ITIH6: variants seen among roughly 807,000 people sequenced by gnomAD.
ITIH6 encodes inter-alpha-trypsin inhibitor heavy chain family member 6.
In ITIH6, 60 loss-of-function variants were observed where a neutral mutation model predicts 58.2. The observed-to-expected ratio is 1.03, with a 90% CI of 0.84 to 1.28. The LOEUF (loss-of-function observed/expected upper bound fraction) is 1.28, where lower values mean the gene tolerates loss of function less well. Among genes scored for constraint, ITIH6 ranks in the 50% most tolerant of loss-of-function variants. ITIH6 has a pLI of 0.00. For synonymous variants in ITIH6, 493 were observed against 417.4 expected (o/e 1.18, Z -2.21); for missense variants, 1,290 against 1,021.1 (o/e 1.26, Z -3.59).
intron 5 of ITIH6, among the ~76,000 whole-genome samples, chrX:54,786,902 G>A (rs1000070996): frequency 9.0e-6 from 1 of 111,584 alleles, no homozygotes; most frequent in Non-Finnish European, 1.9e-5. Flanking sequence ...CCCCAGCGGG[G>A]TGGATGATCT....
chrX:54,795,130 C>T (rs1929417886), intron 2 of ITIH6, among the ~76,000 whole-genome samples: 1 of 111,651 alleles, frequency 9.0e-6, no homozygotes, highest in Non-Finnish European at 1.9e-5. Context: ...CCTAGCCGGC[C>T]CCTCCAGTCT....
intron 6 of ITIH6, among the ~76,000 whole-genome samples, chrX:54,765,418 A>G (rs1602055446): frequency 1.1e-5 from 1 of 91,360 alleles, no homozygotes; most frequent in East Asian, 3.5e-4. Flanking sequence ...TCTTTAATCC[A>G]TCTTGAATTG....
chrX:54,797,907 T>C (rs1349777150), intron 1 of ITIH6, among the ~76,000 whole-genome samples: 1 of 111,349 alleles, frequency 9.0e-6, no homozygotes, highest in East Asian at 2.8e-4. Flanking sequence ...ACAGAGATGC[T>C]GTGAGGACTA....
At chrX:54,755,285 C>A (rs1160871691) in intron 8 of ITIH6, among the ~76,000 whole-genome samples, 176 bp from the exon 9 acceptor site, 1 of 112,610 alleles carries the variant, frequency 8.9e-6, no homozygotes, top group Admixed American at 9.4e-5. Flanking sequence ...GTTCAAAGTT[C>A]TTCCTTATAG....
chrX:54,797,185 A>G (rs1046434059), intron 1 of ITIH6, 89 bp from the exon 2 acceptor site: 15 of 777,004 alleles, frequency 1.9e-5, no homozygotes, highest in Non-Finnish European at 2.6e-5. Context: ...ATTCCTACAC[A>G]GGCCTCAAAG....
chrX:54,770,061 G>T (rs1238641085), intron 6 of ITIH6, among the ~76,000 whole-genome samples: 2 of 112,400 alleles, frequency 1.8e-5, no homozygotes, highest in African/African-American at 6.5e-5. Flanking sequence ...TCCGAGCCAG[G>T]TGTGGGATAT....
intron 5 of ITIH6, among the ~76,000 whole-genome samples, chrX:54,778,490 C>T (rs746590228): frequency 9.0e-6 from 1 of 111,619 alleles, no homozygotes; most frequent in Non-Finnish European, 1.9e-5. Flanking sequence ...CCACTGCACC[C>T]GGCCTGCACC....
At chrX:54,772,972 T>C (rs1569544138) in intron 6 of ITIH6, among the ~76,000 whole-genome samples, 1 of 111,559 alleles carries the variant, frequency 9.0e-6, no homozygotes, top group Non-Finnish European at 1.9e-5. Context: ...GGTTTTGCCA[T>C]GTTGCCCAGG....
intron 4 of ITIH6, among the ~76,000 whole-genome samples, chrX:54,790,360 C>G (rs776318271): frequency 3.6e-5 from 4 of 112,135 alleles, no homozygotes; most frequent in East Asian, 2.8e-4. Flanking sequence ...CTCTAGGTGA[C>G]ATTTGAAGCA....
At position 54,753,943 on chromosome X, in the gene ITIH6, G is replaced by T. The variant is rs1251022057; in HGVS notation, c.3225C>A (p.Thr1075=). 2 of 1,210,039 alleles carry T rather than the reference G, an allele frequency of 1.7e-6. No homozygotes were observed. Among genetic ancestry groups the T allele is most frequent in the Admixed American group, 4.3e-5 (2 of 46,014 alleles). Residue 1075 remains threonine, a synonymous_variant, in exon 10 of 13, where the codon ACC becomes ACA. Transcript: ENST00000218436. ...TGACTGGCTTACCTGAGGAGGAGAA[G>T]GTGAAGATGCTAGGCAATGTGCCTG... ...LAKGTLPSIF[T]FSSSVDGDPH...
chrX:54,768,906 C>G (rs1456499440), intron 6 of ITIH6, among the ~76,000 whole-genome samples: 1 of 108,824 alleles, frequency 9.2e-6, no homozygotes, highest in East Asian at 2.9e-4. Context: ...TCTGTATTTC[C>G]TGAATCTGAA....
chrX:54,767,109 T>C (rs1226589539), intron 6 of ITIH6, among the ~76,000 whole-genome samples: 5 of 110,482 alleles, frequency 4.5e-5, no homozygotes, highest in Non-Finnish European at 9.4e-5. Flanking sequence ...CTTCCTGGTT[T>C]AGTCTTGGGA....
rs907898545 is a variant in ITIH6 at position 54,796,624 on chromosome X, C to T, written c.257+318G>A. Among the ~76,000 whole-genome samples the T allele has an allele frequency of 1.1e-3, 113 of 105,471 alleles. 1 individual carries two copies. Among genetic ancestry groups the T allele is most frequent in the African/African-American group, 4.0e-3 (112 of 28,224 alleles). The allele number at this position is 105,471 out of a possible 115,157, so 91.6% of individuals were successfully genotyped here. A position where few individuals can be genotyped will look rare whatever the true frequency, so the allele number is the denominator to read the frequency against. The stretch of plus-strand genomic sequence containing the variant: ...GCTTGAACCTGGGAGGTGGATGTTG[C>T]AGTGAGCTGAGATTGTGCCACTGCA... On this transcript the variant is annotated intron_variant, in intron 2 of 12. Coordinates refer to ENST00000218436, the MANE Select transcript of ITIH6 (RefSeq NM_198510.3).
At chrX:54,793,672 T>C (rs1327206853) in intron 2 of ITIH6, among the ~76,000 whole-genome samples, 1 of 111,871 alleles carries the variant, frequency 8.9e-6, no homozygotes, top group Non-Finnish European at 1.9e-5. Flanking sequence ...GTGGACATCC[T>C]GGACAGACAG....
In ITIH6 at chrX:54,796,978, T is replaced by A. The variant is rs143594794; in HGVS notation, c.221A>T (p.Asp74Val). 31 of 1,209,761 alleles carry A rather than the reference T, an allele frequency of 2.6e-5. No homozygotes were observed. The African/African-American group carries it at 5.2e-4, about 20-fold the overall frequency. ...GGAGATAAAGGCAAGATGAGGCAGA[T>A]CCAGGTCAAAGATGGCTTCATGGGC... ...AEAHEAIFDL[D>V]LPHLAFISNF... Residue 74 changes from aspartate to valine, a missense_variant, in exon 2 of 13, where the codon GAT (aspartate) becomes GTT (valine). Physicochemically the swap from Asp to Val is radical, Grantham distance 152. Transcript: ENST00000218436.
intron 11 of ITIH6, among the ~76,000 whole-genome samples, chrX:54,753,008 C>A (rs1255657059): frequency 8.9e-6 from 1 of 112,390 alleles, no homozygotes; most frequent in Non-Finnish European, 1.9e-5. Context: ...GAAAGTTAGC[C>A]AAAACTTTAG....
intron 6 of ITIH6, among the ~76,000 whole-genome samples, chrX:54,763,820 G>A (rs994931449): frequency 1.8e-5 from 2 of 111,855 alleles, no homozygotes; most frequent in Non-Finnish European, 3.8e-5. Flanking sequence ...TTCCAGTTTC[G>A]TCAGTTTTTA....
chrX:54,757,796 C>G lies in ITIH6; in HGVS notation c.2278G>C (p.Val760Leu). The G allele has an allele frequency of 8.3e-7, 1 of 1,211,256 alleles. No individual in the cohort carries two copies. Among genetic ancestry groups the G allele is most frequent in the Non-Finnish European group, 1.1e-6 (1 of 895,154 alleles). Residue 760 changes from valine (V) to leucine (L), a missense_variant, in exon 8 of 13, where the codon GTC (valine) becomes CTC (leucine). Transcript: ENST00000218436. The part of the protein sequence containing the change: ...DILPTNSRTQ[V>L]PPVKPGIPAS... ...GGGATGCCAGGTTTCACAGGTGGGA[C>G]TTGTGTCCTGGAGTTCGTGGGTAAT...
intron 6 of ITIH6, 98 bp downstream of exon 6, chrX:54,773,981 TGG>T: frequency 2.2e-6 from 1 of 458,926 alleles, no homozygotes; most frequent in Non-Finnish European, 3.7e-6. Context: ...GGTCATGGGA[TGG>T]TGGAATCTCT....
Sources: gnomAD v4.1 joint callset for allele counts (sites outside exome capture counted in the v4.1 genomes callset) on GRCh38, gnomAD v4.1.1 for gene constraint, MANE v1.5 for transcripts, NCBI Gene and HGNC (gene_info 2026-07-23, HGNC 2026-07-21) for gene names.